KREMEN2: variants seen among roughly 807,000 people sequenced by gnomAD.
The protein encoded by KREMEN2 is kringle containing transmembrane protein 2.
In KREMEN2, 43 loss-of-function variants were observed where a neutral mutation model predicts 49.8. The observed-to-expected ratio is 0.86, with a 90% confidence interval of 0.68 to 1.11. The LOEUF (loss-of-function observed/expected upper bound fraction) is 1.11. KREMEN2 is among the 50% of genes most tolerant of loss of function. The probability of loss-of-function intolerance (pLI) is 0.00; values close to 1 mark genes in which losing one functional copy is unlikely to be tolerated. For synonymous variants in KREMEN2, 355 were observed against 304.9 expected, an observed-to-expected ratio of 1.16 and a Z score of -1.71; for missense variants, 686 against 665.7, an observed-to-expected ratio of 1.03 and a Z score of -0.34.
rs756371173 is a variant in KREMEN2, at chr16:2,966,902, G to A, written c.641-8G>A. 1.3e-6 allele frequency: 2 copies of A among 1,541,836 alleles called. No homozygotes were observed. The highest frequency in any genetic ancestry group is 1.8e-6 in the Non-Finnish European group (2 of 1,142,344). On this transcript the variant is annotated splice_region_variant and splice_polypyrimidine_tract_variant and intron_variant, in intron 5 of 8. Transcript: ENST00000303746. This position sits in a 1 kb window ranked among gnomAD's most constrained non-coding sequence, Gnocchi z 8.4. ...CCTCAGGATGCTGACTGCCGGCCCC[G>A]CCCGCAGTGTCGGTGGGCTCCTGCC...
Position 2,966,582 on chromosome 16 carries a change from C to T in KREMEN2, c.487-60C>T. The T allele has an allele frequency of 6.4e-7, 1 of 1,568,522 alleles. No individual in the cohort carries two copies. Among genetic ancestry groups the T allele is most frequent in the Admixed American group, 1.8e-5 (1 of 54,366 alleles). On this transcript the variant is annotated intron_variant, in intron 4 of 8. Transcript: ENST00000303746. The surrounding 1 kb of genome is among the most constrained non-coding windows in gnomAD (Gnocchi z 8.4). The stretch of plus-strand genomic sequence containing the variant: ...CCCGATTCCCACCCCGACCCCAGGC[C>T]CCCACCACTTCACCCCTACCCCAGC...
rs2151058590 is a variant in KREMEN2 at position 2,968,331 on chromosome 16, A to G, written c.*311A>G. ...TCAGTGAGAGGTCACAGGTCAGCAA[A>G]AACAGTCAAAAAACCCCCACAGATT... On this transcript the variant is annotated 3_prime_UTR_variant, in exon 9 of 9. Coordinates refer to ENST00000303746, the MANE Select transcript of KREMEN2 (RefSeq NM_172229.3). 5 of 1,533,530 alleles carry G rather than the reference A, an allele frequency of 3.3e-6. No homozygotes were observed. In the South Asian group the frequency reaches 4.8e-5, roughly 15 times the overall value. 95.0% of individuals were successfully genotyped at this position (1,533,530 alleles called of 1,614,324 possible).
intron 2 of KREMEN2, among the ~76,000 whole-genome samples, chr16:2,965,813 G>A (rs1053576575): frequency 1.8e-4 from 27 of 151,572 alleles, no homozygotes; most frequent in African/African-American, 6.6e-4. Flanking sequence ...GGAAGTGGCT[G>A]AGGCCCATGC....
Position 2,967,993 on chromosome 16 carries a change from C to CCTGCGCTCGCTCAT in KREMEN2, c.1365_1378dup (p.Ser460CysfsTer26). ...CTCTGAGTGCCTCCAGCCAGAGCTC[C>CCTGCGCTCGCTCAT]CTGCGCTCGCTCATCTCCGCTCTCT... On this transcript the variant is annotated frameshift_variant, in exon 9 of 9. Transcript: ENST00000303746. LOFTEE classifies it high-confidence loss of function. 1 of 1,573,888 alleles carries CCTGCGCTCGCTCAT rather than the reference C, an allele frequency of 6.4e-7. No individual in the cohort carries two copies. Among genetic ancestry groups the CCTGCGCTCGCTCAT allele is most frequent in the South Asian group, 1.2e-5 (1 of 86,938 alleles).
Position 2,964,566 on chromosome 16 carries a change from C to A in KREMEN2, c.46C>A (p.Pro16Thr). The change falls in exon 1 of 9, where the codon CCG (proline) becomes ACG (threonine). Residue 16 changes from proline (P) to threonine (T), a missense_variant. Physicochemically the swap from Pro to Thr is conservative, Grantham distance 38. Transcript: ENST00000303746. The stretch of plus-strand genomic sequence containing the variant: ...GGGCTTCCTCTTTCTCCTCTTCCTC[C>A]CGCTGCTGCAGCCGCGTGGGGCCTC... ...LQGFLFLLFL[P>T]LLQPRGASAG... 1.2e-6 allele frequency: 2 copies of A among 1,608,696 alleles called. No individual in the cohort carries two copies. Among genetic ancestry groups the A allele is most frequent in the Non-Finnish European group, 1.7e-6 (2 of 1,177,862 alleles).
Position 2,967,370 on chromosome 16 carries a change from A to G in KREMEN2, c.1024A>G (p.Thr342Ala). ...DPEAPEGSAQ[T>A]PAAPLDGANV... is the part of the protein sequence containing the mutation. Reference sequence around the variant, plus strand: ...AGAGGCCCCCGAGGGCTCGGCCCAGACCCCCGCGGCGCCCCTCGACGGGGC... The same window carrying G: ...AGAGGCCCCCGAGGGCTCGGCCCAGGCCCCCGCGGCGCCCCTCGACGGGGC... Residue 342 changes from threonine (T) to alanine (A), a missense_variant, in exon 7 of 9, where the codon ACC (threonine) becomes GCC (alanine). Physicochemically the swap from Thr to Ala is moderately conservative, Grantham distance 58. Coordinates refer to ENST00000303746, the MANE Select transcript of KREMEN2 (RefSeq NM_172229.3). 7.1e-7 allele frequency: 1 copy of G among 1,400,280 alleles called. No homozygotes were observed. The highest frequency in any genetic ancestry group is 9.2e-7 in the Non-Finnish European group (1 of 1,088,996). 86.7% of individuals were successfully genotyped at this position (1,400,280 alleles called of 1,614,324 possible).
In KREMEN2 at chr16:2,965,042, C is replaced by A; in HGVS notation, c.269+9C>A. 6.6e-7 allele frequency: 1 copy of A among 1,523,394 alleles called. No individual in the cohort carries two copies. Among genetic ancestry groups the A allele is most frequent in the South Asian group, 1.2e-5 (1 of 81,398 alleles). 94.4% of individuals were successfully genotyped at this position (1,523,394 alleles called of 1,614,324 possible). On this transcript the variant is annotated intron_variant, in intron 2 of 8. Transcript: ENST00000303746. Reference sequence around the variant, plus strand: ...GCGCACAACTTCTGCCGGTGAGGGGCGGGGCCTGCGCTGGGGGCGAGGCTG... The same window carrying A: ...GCGCACAACTTCTGCCGGTGAGGGGAGGGGCCTGCGCTGGGGGCGAGGCTG...
Position 2,966,595 on chromosome 16 carries a change from C to A in KREMEN2, c.487-47C>A. On this transcript the variant is annotated intron_variant, in intron 4 of 8. Coordinates refer to ENST00000303746, the MANE Select transcript of KREMEN2 (RefSeq NM_172229.3). This position sits in a 1 kb window ranked among gnomAD's most constrained non-coding sequence, Gnocchi z 8.4. ...CCGACCCCAGGCCCCCACCACTTCA[C>A]CCCTACCCCAGCCCCTGCCCTGGGG... The A allele has an allele frequency of 1.3e-6, 2 of 1,583,882 alleles. No individual in the cohort carries two copies. Among genetic ancestry groups the A allele is most frequent in the Non-Finnish European group, 8.6e-7 (1 of 1,169,052 alleles).
At chr16:2,967,271 G>A in intron 6 of KREMEN2, 29 bp downstream of exon 6, 1 of 1,353,986 alleles carries the variant, frequency 7.4e-7, no homozygotes, top group East Asian at 3.1e-5. Flanking sequence ...CGCCCTGCCC[G>A]CTGTTCCCAC....
rs1434810392 is a variant in KREMEN2 at position 2,964,773 on chromosome 16, T to C, written c.95-86T>C. On this transcript the variant is annotated intron_variant, in intron 1 of 8. Transcript: ENST00000303746. ...CAGGGGCGGGTGCGGGGTCGCTGGC[T>C]GGGGACCCAGGCGGGAGGTGGCGTA... 5 of 1,509,988 alleles carry C rather than the reference T, an allele frequency of 3.3e-6. No homozygotes were observed. In the African/African-American group the frequency reaches 5.6e-5, roughly 17 times the overall value. The allele number at this position is 1,509,988 out of a possible 1,614,324, so 93.5% of individuals were successfully genotyped here.
In KREMEN2 at chr16:2,968,047, C is replaced by T. The variant is rs1435621940; in HGVS notation, c.*27C>T. ...TCTGGGCCCCGAGGGTCCGCTGGGC[C>T]CGCCGCCGGCGAGATGGACACCTGA... On this transcript the variant is annotated 3_prime_UTR_variant, in exon 9 of 9. Transcript: ENST00000303746. 6.5e-7 allele frequency: 1 copy of T among 1,529,836 alleles called. No individual in the cohort carries two copies. Among genetic ancestry groups the T allele is most frequent in the Non-Finnish European group, 8.8e-7 (1 of 1,141,532 alleles). 94.8% of individuals were successfully genotyped at this position (1,529,836 alleles called of 1,614,324 possible). A position where few individuals can be genotyped will look rare whatever the true frequency, so the allele number is the denominator to read the frequency against.
Position 2,964,410 on chromosome 16 carries a change from G to A in KREMEN2, c.-111G>A. ...AAGCGCGGCTCAGAGTCGGACGAGG[G>A]GAGACTGTCAGAGGACAACGCCCCC... On this transcript the variant is annotated 5_prime_UTR_variant, in exon 1 of 9. Transcript: ENST00000303746. 1 of 727,760 alleles carries A rather than the reference G, an allele frequency of 1.4e-6. No homozygotes were observed. Among genetic ancestry groups the A allele is most frequent in the Non-Finnish European group, 2.3e-6 (1 of 437,954 alleles). 45.1% of individuals were successfully genotyped at this position (727,760 alleles called of 1,614,324 possible).
Position 2,968,232 on chromosome 16 carries a change from G to C in KREMEN2, c.*212G>C. The stretch of plus-strand genomic sequence containing the variant: ...CCAGATGGTCCAGGCCCTCTCCATG[G>C]ACCTGTATGTGGGGGTGGTCTCTGG... On this transcript the variant is annotated 3_prime_UTR_variant, in exon 9 of 9. Transcript: ENST00000303746. 1 of 920,758 alleles carries C rather than the reference G, an allele frequency of 1.1e-6. No homozygotes were observed. Among genetic ancestry groups the C allele is most frequent in the Non-Finnish European group, 1.7e-6 (1 of 602,412 alleles). The allele number at this position is 920,758 out of a possible 1,614,324, so 57.0% of individuals were successfully genotyped here. A position where few individuals can be genotyped will look rare whatever the true frequency, so the allele number is the denominator to read the frequency against.
intron 7 of KREMEN2, 21 bp downstream of exon 7, chr16:2,967,466 G>T: frequency 6.9e-7 from 1 of 1,450,460 alleles, no homozygotes; most frequent in African/African-American, 1.5e-5. Flanking sequence ...CGCGCGGGAC[G>T]GGAGTGAGTC....
rs2071819861 is a variant in KREMEN2, at chr16:2,966,407, G to A, written c.444G>A (p.Thr148=). 8 of 1,611,176 alleles carry A rather than the reference G, an allele frequency of 5.0e-6. No individual in the cohort carries two copies. Among genetic ancestry groups the A allele is most frequent in the Non-Finnish European group, 6.8e-6 (8 of 1,180,004 alleles). The change falls in exon 4 of 9, where the codon ACG becomes ACA. Residue 148 remains threonine, a synonymous_variant. Transcript: ENST00000303746. The surrounding 1 kb of genome is among the most constrained non-coding windows in gnomAD (Gnocchi z 8.4). ...SGPSGTSTKL[T]VQVCLRFCRM... The stretch of plus-strand genomic sequence containing the variant: ...CCAGCGGCACCTCCACGAAGCTCAC[G>A]GTCCAGGTGTGCCTACGCTTCTGCC...
rs1285366090 is a variant in KREMEN2, at chr16:2,967,986, A to G, written c.1355A>G (p.Gln452Arg). The G allele has an allele frequency of 1.3e-5, 21 of 1,581,624 alleles. No homozygotes were observed. The highest frequency in any genetic ancestry group is 3.5e-4 in the Middle Eastern group (2 of 5,634). The change falls in exon 9 of 9, where the codon CAG becomes CGG. Residue 452 changes from glutamine (Q) to arginine (R), a missense_variant. Transcript: ENST00000303746. ...AGYRPLSASS[Q>R]SSLRSLISAL is the part of the protein sequence containing the mutation. ...TACCGGCCTCTGAGTGCCTCCAGCCAGAGCTCCCTGCGCTCGCTCATCTCC... is the reference window on the plus strand; with the variant it reads ...TACCGGCCTCTGAGTGCCTCCAGCCGGAGCTCCCTGCGCTCGCTCATCTCC...
At chr16:2,964,776 G>C (rs1014810820) in intron 1 of KREMEN2, 83 bp from the exon 2 acceptor site, 3 of 1,518,676 alleles carry the variant, frequency 2.0e-6, no homozygotes, top group Non-Finnish European at 2.7e-6. Context: ...CGCTGGCTGG[G>C]GACCCAGGCG....
At chr16:2,965,378 A>T (rs2071798670) in intron 2 of KREMEN2, among the ~76,000 whole-genome samples, 1 of 152,068 alleles carries the variant, frequency 6.6e-6, no homozygotes, top group Non-Finnish European at 1.5e-5. Context: ...CTCTTGTCAT[A>T]CAACTTATTT....
rs1190287334 is a variant in KREMEN2 at position 2,964,884 on chromosome 16, TGG to T, written c.123_124del (p.Ala42Ter). 1.2e-6 allele frequency: 2 copies of T among 1,610,540 alleles called. No individual in the cohort carries two copies. The highest frequency in any genetic ancestry group is 2.7e-5 in the African/African-American group (2 of 74,604). On this transcript the variant is annotated frameshift_variant, in exon 2 of 9. Coordinates refer to ENST00000303746, the MANE Select transcript of KREMEN2 (RefSeq NM_172229.3). LOFTEE classifies it high-confidence loss of function. ...PGLSECFQVNGADYRGHQNRT... is the reference protein window; with the variant it reads ...PGLSECFQVNXADYRGHQNRT... ...GCCTGTCCGAATGCTTCCAGGTGAA[TGG>T]GGCTGACTACCGCGGCCACCAGAAC... is the stretch of plus-strand genomic sequence containing the variant.
Sources: allele counts gnomAD v4.1 joint callset (sites outside exome capture counted in the v4.1 genomes callset), GRCh38; gene constraint gnomAD v4.1.1; non-coding constraint Gnocchi (gnomAD v3.1); transcripts MANE v1.5; gene names NCBI Gene and HGNC (gene_info 2026-07-23, HGNC 2026-07-21).